Variants in ANKS1B observed in about 807,000 individuals in gnomAD.
ANKS1B encodes the protein ankyrin repeat and sterile alpha motif domain containing 1B.
Under a neutral mutation model 148.3 loss-of-function variants are expected in ANKS1B, and 36 were observed. The ratio of observed to expected loss-of-function variants is 0.24; its 90% CI spans 0.19 to 0.32. The LOEUF is 0.32. Ranked by LOEUF, ANKS1B falls within the 10% of genes least tolerant of loss-of-function variation. ANKS1B has a pLI of 1.00. For synonymous variants in ANKS1B, 542 were observed against 560.8 expected, an observed-to-expected ratio of 0.97 and a Z score of 0.47; for missense variants, 1,157 against 1,542.6, an observed-to-expected ratio of 0.75 and a Z score of 4.19.
At chr12:99,054,513 C>T (rs1158395159) in intron 16 of ANKS1B, among the ~76,000 whole-genome samples, 1 of 152,068 alleles carries the variant, frequency 6.6e-6, no homozygotes, top group Non-Finnish European at 1.5e-5. Flanking sequence ...ATTCTAGTTT[C>T]CATTTCAAAG....
At chr12:99,468,180 C>A (rs1218709261) in intron 10 of ANKS1B, among the ~76,000 whole-genome samples, 10 of 151,970 alleles carry the variant, frequency 6.6e-5, no homozygotes, top group Non-Finnish European at 1.2e-4. Flanking sequence ...GAAAAACAAG[C>A]AATGGGGAAA....
At chr12:99,000,361 C>A (rs1430447610) in intron 17 of ANKS1B, among the ~76,000 whole-genome samples, 1 of 150,626 alleles carries the variant, frequency 6.6e-6, no homozygotes, top group African/African-American at 2.4e-5. Context: ...CCTCTCCCTC[C>A]GGGTTCAAGC....
intron 1 of ANKS1B, among the ~76,000 whole-genome samples, chr12:99,866,452 C>T (rs2090770222): frequency 6.6e-6 from 1 of 152,132 alleles, no homozygotes; most frequent in African/African-American, 2.4e-5. Context: ...TTTCCTGCCA[C>T]GCTTCCCCAT....
chr12:99,939,842 A>G (rs1453628627), intron 1 of ANKS1B, among the ~76,000 whole-genome samples: 1 of 152,198 alleles, frequency 6.6e-6, no homozygotes, highest in Non-Finnish European at 1.5e-5. Context: ...AAGGAGATTC[A>G]CTATAATTTT....
chr12:99,727,203 C>A (rs1358699922), intron 8 of ANKS1B, among the ~76,000 whole-genome samples: 1 of 151,994 alleles, frequency 6.6e-6, no homozygotes, highest in African/African-American at 2.4e-5. Flanking sequence ...TCATATTGTC[C>A]CTTTTTGCAG....
chr12:99,642,240 A>G (rs79258867), intron 9 of ANKS1B, among the ~76,000 whole-genome samples: 8,167 of 152,208 alleles, frequency 0.054, 384 homozygotes, highest in East Asian at 0.24. Context: ...GCTGAAATGC[A>G]TTTTTCTGTA....
chr12:99,645,687 A>G lies in ANKS1B; in HGVS notation c.1272+9380T>C, dbSNP rs1374959042. Among the ~76,000 whole-genome samples the G allele has an allele frequency of 3.3e-5, 5 of 152,210 alleles. No homozygotes were observed. In the East Asian group the frequency reaches 5.8e-4, roughly 18 times the overall value. ...TTCATAAAAGGAATTTCTTAATCTCAAGTTCAGGTAGTTTTTTATTTAGCT... is the reference window on the plus strand; with the variant it reads ...TTCATAAAAGGAATTTCTTAATCTCGAGTTCAGGTAGTTTTTTATTTAGCT... On this transcript the variant is annotated intron_variant, in intron 9 of 26. Transcript: ENST00000683438.
chr12:99,659,030 T>C (rs2098463444), intron 8 of ANKS1B, among the ~76,000 whole-genome samples: 1 of 152,102 alleles, frequency 6.6e-6, no homozygotes, highest in Admixed American at 6.6e-5. Context: ...CCTAGAAAAT[T>C]TTACTAATAT....
chr12:99,372,883 G>A (rs2093215804), intron 12 of ANKS1B, among the ~76,000 whole-genome samples: 1 of 151,868 alleles, frequency 6.6e-6, no homozygotes, highest in South Asian at 2.1e-4. Context: ...CCCTCATAAT[G>A]TATGCCTTCC....
intron 1 of ANKS1B, among the ~76,000 whole-genome samples, chr12:99,955,492 C>CAAAAAAAAAA (rs61654867): frequency 2.6e-5 from 1 of 38,064 alleles, no homozygotes; most frequent in East Asian, 2.5e-3. Flanking sequence ...AACTCCGTCT[C>CAAAAAAAAAA]AAAAAAAAAA....
At position 99,857,290 on chromosome 12, in the gene ANKS1B, C is replaced by CA. The variant is rs34926911; in HGVS notation, c.135-31902dup. On this transcript the variant is annotated intron_variant, in intron 1 of 26. Transcript: ENST00000683438. ...AACTCAAGCCCTTTTACAATAGCTG[C>CA]AAAAAAAATAAAATAAAATATTTAG... 1.8e-3 allele frequency among the ~76,000 whole-genome samples: 267 copies of CA among 150,376 alleles called. 8 individuals are homozygous for CA. The East Asian group carries it at 0.042, about 23-fold the overall frequency.
At chr12:99,728,282 G>GA (rs535729329) in intron 8 of ANKS1B, among the ~76,000 whole-genome samples, 82 of 150,500 alleles carry the variant, frequency 5.4e-4, no homozygotes, top group African/African-American at 1.3e-3. Context: ...AAATTTACAA[G>GA]AAAAAAAAAT....
At chr12:99,044,703 A>G (rs190482233) in intron 17 of ANKS1B, among the ~76,000 whole-genome samples, 1 of 152,272 alleles carries the variant, frequency 6.6e-6, no homozygotes, top group African/African-American at 2.4e-5. Flanking sequence ...TGGGGGAGGG[A>G]TCTGGGGAAG....
intron 17 of ANKS1B, among the ~76,000 whole-genome samples, chr12:99,027,581 A>G (rs749806392): frequency 1.3e-5 from 2 of 152,238 alleles, no homozygotes; most frequent in Non-Finnish European, 2.9e-5. Flanking sequence ...ATAGAGTGAA[A>G]GAGTCCACTA....
At chr12:99,175,136 T>G (rs985693199) in intron 14 of ANKS1B, among the ~76,000 whole-genome samples, 1 of 152,202 alleles carries the variant, frequency 6.6e-6, no homozygotes, top group Admixed American at 6.5e-5. Flanking sequence ...TAAAATAATA[T>G]AGAGACAAAA....
chr12:99,046,076 A>C (rs1434934757), intron 17 of ANKS1B, among the ~76,000 whole-genome samples: 1 of 152,234 alleles, frequency 6.6e-6, no homozygotes, highest in Non-Finnish European at 1.5e-5. Context: ...AAAACTATTC[A>C]AATTGGGAAG....
At chr12:99,036,991 T>C (rs2099955947) in intron 17 of ANKS1B, among the ~76,000 whole-genome samples, 1 of 152,202 alleles carries the variant, frequency 6.6e-6, no homozygotes, top group Admixed American at 6.5e-5. Context: ...TAGGAATGCA[T>C]AACATAATGA....
chr12:99,038,911 G>A (rs1047009100), intron 17 of ANKS1B, among the ~76,000 whole-genome samples: 3 of 152,152 alleles, frequency 2.0e-5, no homozygotes, highest in Admixed American at 6.5e-5. Context: ...CCTGCTCTAT[G>A]TTTCCTTATA....
At chr12:99,322,779 C>A (rs1012960618) in intron 12 of ANKS1B, among the ~76,000 whole-genome samples, 1 of 152,144 alleles carries the variant, frequency 6.6e-6, no homozygotes, top group Admixed American at 6.5e-5. Context: ...TCCCAGAAGT[C>A]CTACATGTGG....
Sources: gnomAD v4.1 joint callset for allele counts (sites outside exome capture counted in the v4.1 genomes callset) on GRCh38, gnomAD v4.1.1 for gene constraint, MANE v1.5 for transcripts, NCBI Gene and HGNC (gene_info 2026-07-23, HGNC 2026-07-21) for gene names.